The following CECR2 variants were observed in gnomAD, a reference collection of about 807,000 sequenced individuals.
CECR2 encodes CECR2 histone acetyl-lysine reader, also known as chromatin remodeling regulator CECR2.
In CECR2, 30 loss-of-function variants were observed where a neutral mutation model predicts 154.5. The observed-to-expected ratio is 0.19, with a 90% CI of 0.15 to 0.26. The LOEUF is 0.26. CECR2 is among the 10% of genes least tolerant of loss of function. CECR2 has a pLI of 1.00. For synonymous variants in CECR2, 725 were observed against 683.7 expected (o/e 1.06, Z -0.94); for missense variants, 1,743 against 1,829.3 (o/e 0.95, Z 0.86).
intron 1 of CECR2, among the ~76,000 whole-genome samples, chr22:17,429,847 TG>T (rs1258064085): frequency 6.6e-6 from 1 of 152,058 alleles, no homozygotes; most frequent in African/African-American, 2.4e-5. Context: ...ATGGTCAGAG[TG>T]GCAGTAAGAA....
At chr22:17,403,584 A>G (rs1263165875) in intron 1 of CECR2, among the ~76,000 whole-genome samples, 1 of 152,180 alleles carries the variant, frequency 6.6e-6, no homozygotes. Flanking sequence ...CCTTTTGCTT[A>G]TCACTATTCA....
chr22:17,447,157 C>G (rs754659724), intron 1 of CECR2, among the ~76,000 whole-genome samples: 2 of 151,180 alleles, frequency 1.3e-5, no homozygotes, highest in Non-Finnish European at 1.5e-5. Context: ...GCCTCAGCCT[C>G]CCGAGTAGCT....
intron 2 of CECR2, among the ~76,000 whole-genome samples, chr22:17,490,147 T>TTTTG (rs1555917192): frequency 4.7e-5 from 7 of 149,780 alleles, no homozygotes; most frequent in African/African-American, 1.7e-4. Flanking sequence ...TGTTTTTTTT[T>TTTTG]TGTGTGTGTG....
intron 1 of CECR2, among the ~76,000 whole-genome samples, chr22:17,372,449 T>C (rs2063071919): frequency 6.6e-6 from 1 of 152,192 alleles, no homozygotes; most frequent in Non-Finnish European, 1.5e-5. Flanking sequence ...GTCGATCACC[T>C]GAAGTCAGGA....
intron 1 of CECR2, among the ~76,000 whole-genome samples, chr22:17,414,997 A>T (rs557199312): frequency 6.6e-6 from 1 of 152,118 alleles, no homozygotes; most frequent in Non-Finnish European, 1.5e-5. Flanking sequence ...AAAATATATG[A>T]TATACATGTT....
intron 17 of CECR2, among the ~76,000 whole-genome samples, chr22:17,551,327 A>C (rs981607648): frequency 2.0e-5 from 3 of 148,436 alleles, no homozygotes; most frequent in African/African-American, 4.9e-5. Flanking sequence ...TTTGTGTTCT[A>C]TTTTTATTGT....
chr22:17,485,910 C>T (rs1201441305), intron 2 of CECR2, among the ~76,000 whole-genome samples: 2 of 152,218 alleles, frequency 1.3e-5, no homozygotes, highest in Non-Finnish European at 2.9e-5. Context: ...GAAATATCTG[C>T]AGTATCTATA....
intron 6 of CECR2, 40 bp downstream of exon 6, chr22:17,503,171 T>C (rs1313106801): frequency 2.6e-6 from 4 of 1,564,102 alleles, no homozygotes; most frequent in Non-Finnish European, 3.5e-6. Context: ...ATTAAATAAA[T>C]ATGATTCATT....
At chr22:17,368,967 TAAG>T (rs2063021135), upstream of CECR2, among the ~76,000 whole-genome samples, 1 of 152,124 alleles carries the variant, frequency 6.6e-6, no homozygotes, top group South Asian at 2.1e-4. Context: ...ATAAAAGCGT[TAAG>T]AAACAGGTGG....
In CECR2 at chr22:17,481,110, G is replaced by A. The variant is rs558708392; in HGVS notation, c.221+3428G>A. The stretch of plus-strand genomic sequence containing the variant: ...TGTAATCCCAGCACTTTGGGAGGTG[G>A]AGGCGGGCAGATCACGAGGTCAGGA... On this transcript the variant is annotated intron_variant, in intron 2 of 18. Transcript: ENST00000262608. Among the ~76,000 whole-genome samples, 552 of 148,544 alleles carry A rather than the reference G, an allele frequency of 3.7e-3. 4 individuals are homozygous for A. Among genetic ancestry groups the A allele is most frequent in the Non-Finnish European group, 6.6e-3 (441 of 67,274 alleles).
chr22:17,456,870 G>A (rs2054861968), intron 1 of CECR2, among the ~76,000 whole-genome samples: 1 of 152,154 alleles, frequency 6.6e-6, no homozygotes. Flanking sequence ...GGGGCCTCAT[G>A]TGCACTCTTC....
At chr22:17,411,190 TGA>T (rs1569064298) in intron 1 of CECR2, among the ~76,000 whole-genome samples, 1 of 152,240 alleles carries the variant, frequency 6.6e-6, no homozygotes, top group African/African-American at 2.4e-5. Context: ...GTTTTTGGAT[TGA>T]GAGAGTCATG....
In CECR2 at chr22:17,374,554, G is replaced by A. The variant is rs919984204; in HGVS notation, c.126+4645G>A. On this transcript the variant is annotated intron_variant, in intron 1 of 18. Coordinates refer to ENST00000262608, the MANE Select transcript of CECR2 (RefSeq NM_001290047.2). ...TCTGGAAGCAGCCCCCAACCCATACGAGGTTAAGAAGCCCTGAACTAGTTG... is the reference window on the plus strand; with the variant it reads ...TCTGGAAGCAGCCCCCAACCCATACAAGGTTAAGAAGCCCTGAACTAGTTG... Among the ~76,000 whole-genome samples, 7 of 152,116 alleles carry A rather than the reference G, an allele frequency of 4.6e-5. No homozygotes were observed. In the East Asian group the frequency reaches 5.8e-4, roughly 13 times the overall value.
chr22:17,528,442 G>A (rs1374440569), intron 9 of CECR2, among the ~76,000 whole-genome samples: 1 of 152,110 alleles, frequency 6.6e-6, no homozygotes, highest in African/African-American at 2.4e-5. Context: ...GAGGTAGGAT[G>A]GTTAATGGGT....
rs556278500 is a variant in CECR2, at chr22:17,554,743, T to C, written c.*1903T>C. The C allele has an allele frequency of 6.6e-6, 1 of 152,348 alleles. No homozygotes were observed. The highest frequency in any genetic ancestry group is 2.1e-4 in the South Asian group (1 of 4,832). 9.4% of individuals were successfully genotyped at this position (152,348 alleles called of 1,614,324 possible). A position where few individuals can be genotyped will look rare whatever the true frequency, so the allele number is the denominator to read the frequency against. On this transcript the variant is annotated 3_prime_UTR_variant, in exon 19 of 19. Coordinates refer to ENST00000262608, the MANE Select transcript of CECR2 (RefSeq NM_001290047.2). Reference sequence around the variant, plus strand: ...GTTTTGAGCCTGTGTTCTCACTGGATCCTAATTCTTGTTAGAAACCTATCA... The same window carrying C: ...GTTTTGAGCCTGTGTTCTCACTGGACCCTAATTCTTGTTAGAAACCTATCA...
chr22:17,460,475 G>T (rs1477823112), intron 1 of CECR2, among the ~76,000 whole-genome samples: 4 of 152,236 alleles, frequency 2.6e-5, no homozygotes, highest in Non-Finnish European at 5.9e-5. Context: ...CTCCCAAAGT[G>T]CAGGGATTGC....
At chr22:17,449,111 T>A (rs1436435494) in intron 1 of CECR2, among the ~76,000 whole-genome samples, 1 of 152,066 alleles carries the variant, frequency 6.6e-6, no homozygotes, top group African/African-American at 2.4e-5. Context: ...ACTACTGACC[T>A]CAAGGGATCT....
chr22:17,516,840 C>T (rs1314144295), intron 8 of CECR2, among the ~76,000 whole-genome samples: 4 of 151,570 alleles, frequency 2.6e-5, no homozygotes, highest in Non-Finnish European at 4.4e-5. Flanking sequence ...GTGAAATGCC[C>T]GCCTCGTCCT....
intron 1 of CECR2, among the ~76,000 whole-genome samples, chr22:17,455,805 T>C (rs1405612950): frequency 6.6e-6 from 1 of 152,198 alleles, no homozygotes; most frequent in African/African-American, 2.4e-5. Context: ...GAGACGGGGT[T>C]TCACCATGTT....
Sources: gnomAD v4.1 joint callset for allele counts (sites outside exome capture counted in the v4.1 genomes callset) on GRCh38, gnomAD v4.1.1 for gene constraint, MANE v1.5 for transcripts, NCBI Gene and HGNC (gene_info 2026-07-23, HGNC 2026-07-21) for gene names.